Variants in ADAMTS12 observed in about 807,000 individuals in gnomAD.
ADAMTS12 encodes A disintegrin and metalloproteinase with thrombospondin motifs 12.
In ADAMTS12, 118 loss-of-function variants were observed where a neutral mutation model predicts 167.8. The ratio of observed to expected loss-of-function variants is 0.70; its 90% confidence interval spans 0.61 to 0.82. The LOEUF (loss-of-function observed/expected upper bound fraction) is 0.82. ADAMTS12 is among the 40% of genes least tolerant of loss of function. The pLI, the probability that ADAMTS12 is intolerant of heterozygous loss-of-function variation, is 0.00. For missense variants in ADAMTS12, 1,916 were observed against 1,998.8 expected (o/e 0.96, Z 0.79); for synonymous variants, 704 against 716.9 (o/e 0.98, Z 0.29).
intron 2 of ADAMTS12, among the ~76,000 whole-genome samples, chr5:33,774,962 G>A (rs1254985044): frequency 1.3e-5 from 2 of 152,146 alleles, no homozygotes; most frequent in Non-Finnish European, 2.9e-5. Flanking sequence ...GTAGACGGAA[G>A]GGATGAATGC....
chr5:33,823,487 T>C (rs142538686), intron 2 of ADAMTS12, among the ~76,000 whole-genome samples: 2 of 152,228 alleles, frequency 1.3e-5, no homozygotes, highest in East Asian at 3.9e-4. Flanking sequence ...ACAAATATAA[T>C]GATCAATGGT....
At chr5:33,708,986 A>C (rs539466581) in intron 3 of ADAMTS12, among the ~76,000 whole-genome samples, 1 of 152,172 alleles carries the variant, frequency 6.6e-6, no homozygotes, top group South Asian at 2.1e-4. Context: ...AACAAAACAA[A>C]ACAAAAACAA....
intron 2 of ADAMTS12, among the ~76,000 whole-genome samples, chr5:33,836,356 G>C (rs935953766): frequency 6.6e-6 from 1 of 152,218 alleles, no homozygotes; most frequent in Non-Finnish European, 1.5e-5. Flanking sequence ...ACCCTCCTCT[G>C]ACATGCAAAT....
intron 19 of ADAMTS12, among the ~76,000 whole-genome samples, chr5:33,570,437 A>T (rs1018857828): frequency 3.9e-5 from 6 of 152,228 alleles, no homozygotes; most frequent in African/African-American, 1.4e-4. Context: ...GTGGGGGCCA[A>T]TATTCAACAT....
chr5:33,751,618 A>G, intron 2 of ADAMTS12, 70 bp from the exon 3 acceptor site: 5 of 1,492,660 alleles, frequency 3.3e-6, no homozygotes, highest in Non-Finnish European at 4.6e-6. Context: ...AAAGTGAAAA[A>G]TTATATAGCT....
chr5:33,877,068 A>G (rs1471370694), intron 2 of ADAMTS12, among the ~76,000 whole-genome samples: 1 of 152,222 alleles, frequency 6.6e-6, no homozygotes, highest in Non-Finnish European at 1.5e-5. Flanking sequence ...TGGAAGTTAA[A>G]GCTGGATGGC....
chr5:33,864,022 A>C (rs1274531780), intron 2 of ADAMTS12, among the ~76,000 whole-genome samples: 1 of 152,198 alleles, frequency 6.6e-6, no homozygotes, highest in Admixed American at 6.5e-5. Flanking sequence ...CTGAAACTGG[A>C]CCACTCCCTT....
intron 2 of ADAMTS12, among the ~76,000 whole-genome samples, chr5:33,759,448 C>T (rs1374084003): frequency 1.3e-5 from 2 of 152,154 alleles, no homozygotes; most frequent in Non-Finnish European, 2.9e-5. Context: ...TTCTCTGAGC[C>T]TTAGTTTCCT....
At chr5:33,794,502 C>CAGG (rs10650391) in intron 2 of ADAMTS12, among the ~76,000 whole-genome samples, 73,009 of 151,774 alleles carry the variant, frequency 0.48, 17,920 homozygotes, top group African/African-American at 0.59. Flanking sequence ...CAGCCTGCTG[C>CAGG]AGCTTATTCT....
chr5:33,639,378 G>A (rs1177920052), intron 11 of ADAMTS12, among the ~76,000 whole-genome samples: 1 of 152,130 alleles, frequency 6.6e-6, no homozygotes, highest in Non-Finnish European at 1.5e-5. Flanking sequence ...AGAAATGAGA[G>A]AAAATTTAAG....
chr5:33,759,860 TAGAC>T (rs1226064175), intron 2 of ADAMTS12, among the ~76,000 whole-genome samples: 1 of 152,188 alleles, frequency 6.6e-6, no homozygotes, highest in East Asian at 1.9e-4. Context: ...AAGTCATTGA[TAGAC>T]AGCCATTCAG....
chr5:33,722,544 C>A (rs1421652202), intron 3 of ADAMTS12, among the ~76,000 whole-genome samples: 1 of 152,164 alleles, frequency 6.6e-6, no homozygotes. Flanking sequence ...ATCTAAGCAG[C>A]CCTGATGACT....
At chr5:33,667,403 A>C in intron 5 of ADAMTS12, among the ~76,000 whole-genome samples, 1 of 152,000 alleles carries the variant, frequency 6.6e-6, no homozygotes, top group South Asian at 2.1e-4. Flanking sequence ...AATAGGAATA[A>C]TTCTGTATGG....
intron 2 of ADAMTS12, among the ~76,000 whole-genome samples, chr5:33,871,429 CATAA>C (rs1750034463): frequency 1.3e-5 from 2 of 152,012 alleles, no homozygotes; most frequent in Admixed American, 6.6e-5. Flanking sequence ...GAATATCTTT[CATAA>C]ATATAGATGC....
At chr5:33,589,080 A>G (rs1747512583) in intron 17 of ADAMTS12, among the ~76,000 whole-genome samples, 1 of 152,242 alleles carries the variant, frequency 6.6e-6, no homozygotes, top group Non-Finnish European at 1.5e-5. Flanking sequence ...CTTTTCAGGA[A>G]GAAAACTGAG....
At chr5:33,579,034 AG>A (rs1464986213) in intron 18 of ADAMTS12, among the ~76,000 whole-genome samples, 4 of 152,232 alleles carry the variant, frequency 2.6e-5, no homozygotes, top group Admixed American at 2.6e-4. Flanking sequence ...AGAGCCCAAC[AG>A]GGAGGAAACA....
chr5:33,863,194 G>A (rs1749686666), intron 2 of ADAMTS12, among the ~76,000 whole-genome samples: 1 of 152,138 alleles, frequency 6.6e-6, no homozygotes, highest in South Asian at 2.1e-4. Context: ...TCCAGCCAGG[G>A]CAATCAGGCA....
Position 33,534,983 on chromosome 5 carries a change from A to G in ADAMTS12, c.4456T>C (p.Ser1486Pro). ...CTCTTCTGAAAGCCACCTCCACAGG[A>G]AGTGGAACACTGAAAGAGAAGGTGA... ...ATGNWDLCST[S>P]CGGGFQKRTV... is the part of the protein sequence containing the mutation. Residue 1486 changes from serine to proline, a missense_variant, in exon 23 of 24, where the codon TCC becomes CCC. Physicochemically the swap from Ser to Pro is moderately conservative, Grantham distance 74 (BLOSUM62 -1). Coordinates refer to ENST00000504830, the MANE Select transcript of ADAMTS12 (RefSeq NM_030955.4). 6.2e-7 allele frequency: 1 copy of G among 1,605,014 alleles called. No individual in the cohort carries two copies. Among genetic ancestry groups the G allele is most frequent in the Non-Finnish European group, 8.5e-7 (1 of 1,177,538 alleles).
At chr5:33,659,388 A>C (rs1741175925) in intron 6 of ADAMTS12, among the ~76,000 whole-genome samples, 1 of 152,210 alleles carries the variant, frequency 6.6e-6, no homozygotes, top group South Asian at 2.1e-4. Flanking sequence ...TAGGTCTGTA[A>C]GAGAACCAAT....
Sources: gnomAD v4.1 joint callset for allele counts (sites outside exome capture counted in the v4.1 genomes callset) on GRCh38, gnomAD v4.1.1 for gene constraint, MANE v1.5 for transcripts, NCBI Gene and HGNC (gene_info 2026-07-23, HGNC 2026-07-21) for gene names.